KCNH8: variants seen among roughly 807,000 people sequenced by gnomAD.
KCNH8 encodes the protein voltage-gated delayed rectifier potassium channel KCNH8.
In KCNH8, 70 loss-of-function variants were observed where a neutral mutation model predicts 103.6. That is an observed-to-expected ratio of 0.68 (90% CI 0.56 to 0.82). The LOEUF is 0.82. Among genes scored for constraint, KCNH8 ranks in the 40% least tolerant of loss-of-function variants. KCNH8 has a pLI of 0.00. For synonymous variants in KCNH8, 498 were observed against 489.4 expected (o/e 1.02, Z -0.23); for missense variants, 1,217 against 1,329.9 (o/e 0.92, Z 1.32).
chr3:19,354,177 T>G (rs1046283380), intron 5 of KCNH8, among the ~76,000 whole-genome samples: 2 of 152,146 alleles, frequency 1.3e-5, no homozygotes, highest in Admixed American at 1.3e-4. Context: ...TTACAAGGGA[T>G]GTGAAAGACC....
chr3:19,341,425 C>G (rs2065658326), intron 3 of KCNH8, among the ~76,000 whole-genome samples: 1 of 152,052 alleles, frequency 6.6e-6, no homozygotes, highest in South Asian at 2.1e-4. Flanking sequence ...CTTGACATTT[C>G]TGGGGAGGTG....
rs192991449 is a variant in KCNH8, at chr3:19,280,536, G to A, written c.311-662G>A. 1.2e-4 allele frequency among the ~76,000 whole-genome samples: 19 copies of A among 152,022 alleles called. 1 individual carries two copies. Among genetic ancestry groups the A allele is most frequent in the East Asian group, 9.7e-4 (5 of 5,174 alleles). ...CTTATTGCATTCTATTTGTGTTTAC[G>A]TATTTTACTTACATTATATTAGTGA... is the stretch of plus-strand genomic sequence containing the variant. On this transcript the variant is annotated intron_variant, in intron 2 of 15. Coordinates refer to ENST00000328405, the MANE Select transcript of KCNH8 (RefSeq NM_144633.3).
chr3:19,325,693 G>T (rs1243587723), intron 3 of KCNH8, among the ~76,000 whole-genome samples: 2 of 152,126 alleles, frequency 1.3e-5, no homozygotes. Context: ...AACAGATGTT[G>T]GTGATGTTAT....
Position 19,279,828 on chromosome 3 carries a change from C to G in KCNH8, c.311-1370C>G, listed in dbSNP as rs9833053. ...GATAGATCCCAAGGCTGGATGAATA[C>G]ATAGCTGTGTTGGAAATTATGAGGT... On this transcript the variant is annotated intron_variant, in intron 2 of 15. Transcript: ENST00000328405. 7.3e-3 allele frequency among the ~76,000 whole-genome samples: 1,117 copies of G among 152,162 alleles called. 11 individuals carry two copies. Among genetic ancestry groups the G allele is most frequent in the African/African-American group, 0.026 (1,080 of 41,524 alleles).
chr3:19,205,178 T>TATATCA (rs2063702499), intron 1 of KCNH8, among the ~76,000 whole-genome samples: 1 of 151,982 alleles, frequency 6.6e-6, no homozygotes, highest in Non-Finnish European at 1.5e-5. Context: ...TTCATATATC[T>TATATCA]AACTAATAGT....
At chr3:19,405,105 A>G (rs1559312173) in intron 7 of KCNH8, among the ~76,000 whole-genome samples, 2 of 151,910 alleles carry the variant, frequency 1.3e-5, no homozygotes. Context: ...AGGGAAAGGA[A>G]TGCTTTGAGA....
At chr3:19,340,957 G>T (rs2065651672) in intron 3 of KCNH8, among the ~76,000 whole-genome samples, 1 of 152,148 alleles carries the variant, frequency 6.6e-6, no homozygotes, top group Non-Finnish European at 1.5e-5. Flanking sequence ...GGAATGAAAG[G>T]AAGCAATGTA....
chr3:19,300,908 T>A (rs1227491284), intron 3 of KCNH8, among the ~76,000 whole-genome samples: 1 of 151,946 alleles, frequency 6.6e-6, no homozygotes, highest in South Asian at 2.1e-4. Flanking sequence ...ATCTTTTTTC[T>A]TATTTTTTTA....
intron 8 of KCNH8, among the ~76,000 whole-genome samples, chr3:19,443,935 T>C (rs966336440): frequency 2.6e-5 from 4 of 152,058 alleles, no homozygotes; most frequent in African/African-American, 9.7e-5. Context: ...TGGACTCACG[T>C]TGCAAAAATA....
chr3:19,318,852 G>T (rs1162620352), intron 3 of KCNH8, among the ~76,000 whole-genome samples: 7 of 151,732 alleles, frequency 4.6e-5, no homozygotes, highest in Admixed American at 4.6e-4. Flanking sequence ...TATTCTTGCA[G>T]GAGTGAGGTG....
intron 2 of KCNH8, among the ~76,000 whole-genome samples, chr3:19,278,751 T>C (rs774321410): frequency 2.0e-4 from 30 of 152,184 alleles, no homozygotes; most frequent in Non-Finnish European, 3.5e-4. Context: ...AAAATGTTAG[T>C]GATCACATCA....
chr3:19,257,472 GCTTTAATATCAA>G (rs59814616), intron 2 of KCNH8, among the ~76,000 whole-genome samples: 6,056 of 151,840 alleles, frequency 0.04, 418 homozygotes, highest in African/African-American at 0.13. Context: ...TAGCTTGTTG[GCTTTAATATCAA>G]CTTTAATATC....
At chr3:19,291,233 C>G (rs1159285744) in intron 3 of KCNH8, among the ~76,000 whole-genome samples, 1 of 152,094 alleles carries the variant, frequency 6.6e-6, no homozygotes, top group Non-Finnish European at 1.5e-5. Context: ...TTTTTTGTGT[C>G]TCTATTTCCT....
At chr3:19,419,019 CAT>C (rs1559318661) in intron 7 of KCNH8, among the ~76,000 whole-genome samples, 1 of 151,996 alleles carries the variant, frequency 6.6e-6, no homozygotes, top group East Asian at 1.9e-4. Flanking sequence ...GGACATAACT[CAT>C]AGATACATGA....
rs71055060 is a variant in KCNH8 at position 19,258,947 on chromosome 3, C to CTATATATA, written c.310+5088_310+5095dup. Among the ~76,000 whole-genome samples, 83 of 24,802 alleles carry CTATATATA rather than the reference C, an allele frequency of 3.3e-3. 3 individuals carry two copies. The highest frequency in any genetic ancestry group is 5.1e-3 in the East Asian group (5 of 980). The allele number at this position is 24,802 out of a possible 152,430, so 16.3% of individuals were successfully genotyped here. On this transcript the variant is annotated intron_variant, in intron 2 of 15. Transcript: ENST00000328405. Reference sequence around the variant, plus strand: ...TCTCTCTCTCTCTCTCTCTCTCTCTCTATATATATATATATATATATATAT... The same window carrying CTATATATA: ...TCTCTCTCTCTCTCTCTCTCTCTCTCTATATATATATATATATATATATATATATATAT...
intron 3 of KCNH8, among the ~76,000 whole-genome samples, chr3:19,338,691 TTTCTC>T (rs1443779889): frequency 1.3e-5 from 2 of 152,094 alleles, no homozygotes; most frequent in Non-Finnish European, 2.9e-5. Context: ...CAGTTGTACA[TTTCTC>T]TAAACAATAT....
intron 3 of KCNH8, among the ~76,000 whole-genome samples, chr3:19,325,870 T>G (rs993085322): frequency 1.3e-5 from 2 of 152,104 alleles, no homozygotes; most frequent in Non-Finnish European, 2.9e-5. Flanking sequence ...TTCTATAATA[T>G]TATAAAGACA....
chr3:19,342,455 T>G, intron 3 of KCNH8, 132 bp from the exon 4 acceptor site: 1 of 708,824 alleles, frequency 1.4e-6, no homozygotes, highest in Non-Finnish European at 2.1e-6. Context: ...TTAAATGTCA[T>G]TAGGATCCAG....
intron 1 of KCNH8, among the ~76,000 whole-genome samples, chr3:19,242,862 T>C (rs1415601888): frequency 6.6e-6 from 1 of 152,144 alleles, no homozygotes; most frequent in Non-Finnish European, 1.5e-5. Context: ...GACTGTACTT[T>C]GAGAAACCGT....
Sources: allele counts gnomAD v4.1 joint callset (sites outside exome capture counted in the v4.1 genomes callset), GRCh38; gene constraint gnomAD v4.1.1; transcripts MANE v1.5; gene names NCBI Gene and HGNC (gene_info 2026-07-23, HGNC 2026-07-21).